The following CACNA1A variants were observed in gnomAD, a reference collection of about 807,000 sequenced individuals.
CACNA1A encodes voltage-dependent P/Q-type calcium channel subunit alpha-1A.
Under a neutral mutation model 262.4 loss-of-function variants are expected in CACNA1A, and 57 were observed. The observed-to-expected ratio is 0.22, with a 90% CI of 0.18 to 0.27. The LOEUF (loss-of-function observed/expected upper bound fraction) is 0.27, where lower values mean the gene tolerates loss of function less well. Ranked by LOEUF, CACNA1A falls within the 10% of genes least tolerant of loss-of-function variation. CACNA1A has a pLI of 1.00. For synonymous variants in CACNA1A, 1,431 were observed against 1,419.3 expected (o/e 1.01, Z -0.18); for missense variants, 2,526 against 3,562.8 (o/e 0.71, Z 7.41).
chr19:13,484,295 G>A (rs1979712531), intron 1 of CACNA1A, among the ~76,000 whole-genome samples: 1 of 152,136 alleles, frequency 6.6e-6, no homozygotes, highest in African/African-American at 2.4e-5. Flanking sequence ...AGTCATTGTT[G>A]AATTGGCTCC....
chr19:13,478,251 G>A (rs1978805960), intron 1 of CACNA1A, among the ~76,000 whole-genome samples: 1 of 152,176 alleles, frequency 6.6e-6, no homozygotes, highest in Admixed American at 6.5e-5. Context: ...GACTTGGGGT[G>A]AGTTGCTGGG....
chr19:13,444,142 A>C (rs2060770527), intron 3 of CACNA1A, among the ~76,000 whole-genome samples: 1 of 152,228 alleles, frequency 6.6e-6, no homozygotes, highest in South Asian at 2.1e-4. Context: ...AGCTTTGAAC[A>C]ATAAAAAGAT....
chr19:13,262,570 C>G, intron 25 of CACNA1A, 164 bp downstream of exon 25: 1 of 609,212 alleles, frequency 1.6e-6, no homozygotes, highest in Non-Finnish European at 3.0e-6. Context: ...ACTTTACTGC[C>G]ATCTGCTGGG....
chr19:13,403,196 A>G (rs1412508057), intron 3 of CACNA1A, among the ~76,000 whole-genome samples: 1 of 151,810 alleles, frequency 6.6e-6, no homozygotes, highest in Non-Finnish European at 1.5e-5. Context: ...CATAAGAACC[A>G]GAGGGTCTCC....
intron 1 of CACNA1A, among the ~76,000 whole-genome samples, chr19:13,463,121 A>C (rs1049922792): frequency 6.6e-6 from 1 of 150,948 alleles, no homozygotes; most frequent in African/African-American, 2.5e-5. Flanking sequence ...TCCTGGTTAG[A>C]AGATAGATGG....
At chr19:13,412,698 A>G (rs2060132852) in intron 3 of CACNA1A, among the ~76,000 whole-genome samples, 1 of 152,100 alleles carries the variant, frequency 6.6e-6, no homozygotes, top group Non-Finnish European at 1.5e-5. Context: ...GCTGGTCTCA[A>G]ACGCCCAACC....
intron 19 of CACNA1A, among the ~76,000 whole-genome samples, chr19:13,290,653 T>C (rs1184348375): frequency 6.6e-6 from 1 of 152,046 alleles, no homozygotes; most frequent in African/African-American, 2.4e-5. Flanking sequence ...GCTCAAGAGA[T>C]CCACCTGCCT....
chr19:13,503,463 G>A (rs2112467), intron 1 of CACNA1A, among the ~76,000 whole-genome samples: 1 of 151,736 alleles, frequency 6.6e-6, no homozygotes, highest in Non-Finnish European at 1.5e-5. Context: ...AGGATATGCT[G>A]AAACATTTTT....
chr19:13,487,108 C>T (rs1438732092), intron 1 of CACNA1A, among the ~76,000 whole-genome samples: 3 of 152,188 alleles, frequency 2.0e-5, no homozygotes, highest in African/African-American at 7.2e-5. Context: ...GGGCCGCCTG[C>T]CACTCTCTCC....
At position 13,506,366 on chromosome 19, in the gene CACNA1A, G is replaced by A. The variant is rs1983046277; in HGVS notation, c.-142C>T. 9 of 672,234 alleles carry A rather than the reference G, an allele frequency of 1.3e-5. No homozygotes were observed. The South Asian group carries it at 5.1e-4, about 38-fold the overall frequency. 41.6% of individuals were successfully genotyped at this position (672,234 alleles called of 1,614,324 possible). ...GCTACGACTGCGGAGACGCTCCACG[G>A]CCCAGCCCATCGGGCGGCGGCGGCT... On this transcript the variant is annotated 5_prime_UTR_variant, in exon 1 of 47. Transcript: ENST00000360228.
At chr19:13,350,233 T>C (rs1600397790) in intron 6 of CACNA1A, among the ~76,000 whole-genome samples, 1 of 152,226 alleles carries the variant, frequency 6.6e-6, no homozygotes, top group African/African-American at 2.4e-5. Context: ...TCAACCTCAG[T>C]ACTACTGACA....
chr19:13,334,630 T>C, intron 7 of CACNA1A, 137 bp from the exon 8 acceptor site: 1 of 607,108 alleles, frequency 1.6e-6, no homozygotes, highest in Non-Finnish European at 3.0e-6. Flanking sequence ...CAGAAGTCCC[T>C]GGAGGTCAGG....
intron 28 of CACNA1A, chr19:13,256,581 C>T (rs924335747): frequency 2.0e-5 from 3 of 152,304 alleles, no homozygotes; most frequent in Non-Finnish European, 4.4e-5. Context: ...GCCTCGAACT[C>T]CCAAGCTCAA....
At chr19:13,371,467 G>C (rs2059321931) in intron 4 of CACNA1A, 1 of 549,282 alleles carries the variant, frequency 1.8e-6, no homozygotes, top group Non-Finnish European at 3.3e-6. Flanking sequence ...ATAGACAGTA[G>C]GTGCTCAATA....
intron 1 of CACNA1A, among the ~76,000 whole-genome samples, chr19:13,496,025 C>T (rs1253928054): frequency 2.0e-5 from 3 of 149,296 alleles, no homozygotes; most frequent in Non-Finnish European, 4.5e-5. Flanking sequence ...TCCATCCACT[C>T]ATCCATGCAT....
intron 10 of CACNA1A, among the ~76,000 whole-genome samples, chr19:13,320,222 G>C (rs1303045162): frequency 6.9e-6 from 1 of 145,420 alleles, no homozygotes; most frequent in Non-Finnish European, 1.5e-5. Context: ...GGGACAGGGG[G>C]GATGTTCCAC....
At chr19:13,482,951 C>T (rs1450590338) in intron 1 of CACNA1A, among the ~76,000 whole-genome samples, 1 of 151,654 alleles carries the variant, frequency 6.6e-6, no homozygotes, top group Non-Finnish European at 1.5e-5. Flanking sequence ...TCCTCCTTCT[C>T]TATTTCAGTA....
In CACNA1A at chr19:13,334,134, C is replaced by T. The variant is rs546312850; in HGVS notation, c.1198+244G>A. On this transcript the variant is annotated intron_variant, in intron 8 of 46. Transcript: ENST00000360228. ...GTGCATGGGTAAAAAGTGGCAGGGC[C>T]GGGATGTAAACCAGCGTCTGATTTC... 233 of 480,412 alleles carry T rather than the reference C, an allele frequency of 4.9e-4. 1 individual carries two copies. Among genetic ancestry groups the T allele is most frequent in the Middle Eastern group, 3.5e-3 (6 of 1,720 alleles). The allele number at this position is 480,412 out of a possible 1,614,324, so 29.8% of individuals were successfully genotyped here.
At position 13,283,585 on chromosome 19, in the gene CACNA1A, G is replaced by A. The variant is rs919487325; in HGVS notation, c.3693-189C>T. The A allele has an allele frequency of 1.4e-5, 9 of 621,332 alleles. No homozygotes were observed. The South Asian group carries it at 1.7e-4, about 12-fold the overall frequency. 38.5% of individuals were successfully genotyped at this position (621,332 alleles called of 1,614,324 possible). A position where few individuals can be genotyped will look rare whatever the true frequency, so the allele number is the denominator to read the frequency against. ...CCTGGAACCCCAAGAAGGCAGAGGG[G>A]ACCTCGGTGAGAGAAGACATTCACA... On this transcript the variant is annotated intron_variant, in intron 21 of 46. Transcript: ENST00000360228.
Sources: gnomAD v4.1 joint callset for allele counts (sites outside exome capture counted in the v4.1 genomes callset) on GRCh38, gnomAD v4.1.1 for gene constraint, MANE v1.5 for transcripts, NCBI Gene and HGNC (gene_info 2026-07-23, HGNC 2026-07-21) for gene names.